The following ENPP1 variants were observed in gnomAD, a reference collection of about 807,000 sequenced individuals.
ENPP1 encodes ectonucleotide pyrophosphatase/phosphodiesterase family member 1.
Under a neutral mutation model 122.8 loss-of-function variants are expected in ENPP1, and 73 were observed. The observed-to-expected ratio is 0.59, with a 90% CI of 0.49 to 0.72. ENPP1 has a LOEUF of 0.72. Ranked by LOEUF, ENPP1 falls within the 30% of genes least tolerant of loss-of-function variation. ENPP1 has a pLI of 0.00. For missense variants in ENPP1, 978 were observed against 1,128.1 expected, an observed-to-expected ratio of 0.87 and a Z score of 1.91; for synonymous variants, 367 against 391.6, an observed-to-expected ratio of 0.94 and a Z score of 0.74.
chr6:131,830,861 A>C (rs1304822968), intron 1 of ENPP1, among the ~76,000 whole-genome samples: 2 of 152,250 alleles, frequency 1.3e-5, no homozygotes, highest in Middle Eastern at 3.4e-3. Context: ...CTGTAATCCC[A>C]GCATTCTGGA....
Position 131,884,985 on chromosome 6 carries a change from A to G in ENPP1, c.2366A>G (p.Asn789Ser). Residue 789 changes from asparagine (N) to serine (S), a missense_variant, in exon 23 of 25, where the codon AAT becomes AGT. This residue lies in a region of ENPP1 where 644 missense variants were observed against 781.5 expected (regional missense o/e 0.82). Transcript: ENST00000647893. ...CTGCGAAAGTATGCTGAAGAAAGAAATGGTGTCAATGTCGTCAGTGGTCCT... is the reference window on the plus strand; with the variant it reads ...CTGCGAAAGTATGCTGAAGAAAGAAGTGGTGTCAATGTCGTCAGTGGTCCT... ...TLLRKYAEER[N>S]GVNVVSGPVF... The G allele has an allele frequency of 6.2e-7, 1 of 1,614,050 alleles. No individual in the cohort carries two copies. The highest frequency in any genetic ancestry group is 8.5e-7 in the Non-Finnish European group (1 of 1,179,910).
chr6:131,826,214 G>A, intron 1 of ENPP1: 2 of 925,952 alleles, frequency 2.2e-6, no homozygotes, highest in South Asian at 2.6e-5. Context: ...AAACATTGCA[G>A]CTTTTTGCAC....
At chr6:131,874,708 A>C (rs943282809) in intron 16 of ENPP1, among the ~76,000 whole-genome samples, 1 of 152,102 alleles carries the variant, frequency 6.6e-6, no homozygotes, top group Non-Finnish European at 1.5e-5. Context: ...AAAGGAAAAA[A>C]AATAATCAGT....
At chr6:131,822,669 T>C (rs1452127810) in intron 1 of ENPP1, among the ~76,000 whole-genome samples, 1 of 152,130 alleles carries the variant, frequency 6.6e-6, no homozygotes, top group Non-Finnish European at 1.5e-5. Context: ...AAGTTTACCA[T>C]TGATAGACAG....
chr6:131,882,292 A>G lies in ENPP1; in HGVS notation c.2101-53A>G, dbSNP rs7768480. The G allele has an allele frequency of 0.11, 165,055 of 1,532,622 alleles. 15,259 individuals carry two copies. Among genetic ancestry groups the G allele is most frequent in the African/African-American group, 0.48 (34,562 of 71,810 alleles). The allele number at this position is 1,532,622 out of a possible 1,614,324, so 94.9% of individuals were successfully genotyped here. The stretch of plus-strand genomic sequence containing the variant: ...TTCACCTTTAAATATTAATAAAGCA[A>G]TTTTCTTCTCTGTGCCTGATATCTG... On this transcript the variant is annotated intron_variant, in intron 20 of 24. Coordinates refer to ENST00000647893, the MANE Select transcript of ENPP1 (RefSeq NM_006208.3).
intron 1 of ENPP1, among the ~76,000 whole-genome samples, chr6:131,817,654 G>T (rs1781430297): frequency 6.6e-6 from 1 of 151,484 alleles, no homozygotes; most frequent in Non-Finnish European, 1.5e-5. Flanking sequence ...ATCACTTGAG[G>T]CCATAATTTA....
In ENPP1 at chr6:131,884,993, A is replaced by G. The variant is rs1478994233; in HGVS notation, c.2374A>G (p.Asn792Asp). The change falls in exon 23 of 25, where the codon AAT becomes GAT. Residue 792 changes from asparagine to aspartate, a missense_variant. Physicochemically the swap from Asn to Asp is conservative, Grantham distance 23. Transcript: ENST00000647893. ...GTATGCTGAAGAAAGAAATGGTGTC[A>G]ATGTCGTCAGTGGTCCTGTGTTTGA... is the stretch of plus-strand genomic sequence containing the variant. ...RKYAEERNGV[N>D]VVSGPVFDFD... 26 of 1,614,050 alleles carry G rather than the reference A, an allele frequency of 1.6e-5. No individual in the cohort carries two copies. Among genetic ancestry groups the G allele is most frequent in the Non-Finnish European group, 2.1e-5 (25 of 1,179,926 alleles).
At chr6:131,852,571 C>G (rs756762469) in intron 5 of ENPP1, among the ~76,000 whole-genome samples, 2 of 152,050 alleles carry the variant, frequency 1.3e-5, no homozygotes, top group Non-Finnish European at 2.9e-5. Flanking sequence ...GATGCCCAAC[C>G]TGTATTTTTA....
chr6:131,808,614 G>A (rs181812346), intron 1 of ENPP1, among the ~76,000 whole-genome samples: 2 of 152,366 alleles, frequency 1.3e-5, no homozygotes, highest in African/African-American at 4.8e-5. Context: ...CGCGAAAGTT[G>A]TTGGTCTTAA....
At chr6:131,812,124 G>A (rs1781363247) in intron 1 of ENPP1, among the ~76,000 whole-genome samples, 1 of 152,144 alleles carries the variant, frequency 6.6e-6, no homozygotes, top group Admixed American at 6.5e-5. Flanking sequence ...TAGCTATTAT[G>A]ATGAGTTTTT....
intron 12 of ENPP1, among the ~76,000 whole-genome samples, 180 bp downstream of exon 12, chr6:131,868,306 C>T (rs888057613): frequency 6.6e-6 from 1 of 152,216 alleles, no homozygotes; most frequent in East Asian, 1.9e-4. Context: ...ACAGAATTCA[C>T]AGAAACCTAA....
At chr6:131,878,864 A>G (rs996854763) in intron 19 of ENPP1, among the ~76,000 whole-genome samples, 4 of 152,212 alleles carry the variant, frequency 2.6e-5, no homozygotes, top group Admixed American at 2.0e-4. Flanking sequence ...GAGGTGTTCA[A>G]AAATTTTTGA....
rs1171934629 is a variant in ENPP1 at position 131,893,141 on chromosome 6, C to CTCACTGATTTTTACATAT, written c.*2632_*2649dup. 1 of 152,040 alleles carries CTCACTGATTTTTACATAT rather than the reference C, an allele frequency of 6.6e-6. No homozygotes were observed. Among genetic ancestry groups the CTCACTGATTTTTACATAT allele is most frequent in the Non-Finnish European group, 1.5e-5 (1 of 68,010 alleles). 9.4% of individuals were successfully genotyped at this position (152,040 alleles called of 1,614,324 possible). A position where few individuals can be genotyped will look rare whatever the true frequency, so the allele number is the denominator to read the frequency against. On this transcript the variant is annotated 3_prime_UTR_variant, in exon 25 of 25. Transcript: ENST00000647893. ...GTCTACTCTGCCTTTGTAGAAGTGT[C>CTCACTGATTTTTACATAT]TCACTGATTTTTACATATTTTTCCA... is the stretch of plus-strand genomic sequence containing the variant.
chr6:131,828,100 G>A (rs1215249798), intron 1 of ENPP1: 16 of 609,664 alleles, frequency 2.6e-5, no homozygotes, highest in Non-Finnish European at 3.5e-5. Context: ...AACAGACAGC[G>A]TTGATGTAGG....
At chr6:131,873,086 G>A (rs199797259) in intron 15 of ENPP1, 36 bp downstream of exon 15, 1 of 1,612,188 alleles carries the variant, frequency 6.2e-7, no homozygotes, top group African/African-American at 1.3e-5. Context: ...AACTTAGTCT[G>A]ATCGGTTAGT....
Position 131,858,651 on chromosome 6 carries a change from AT to A in ENPP1, c.716-10del, listed in dbSNP as rs776559756. On this transcript the variant is annotated splice_polypyrimidine_tract_variant and intron_variant, in intron 6 of 24. Coordinates refer to ENST00000647893, the MANE Select transcript of ENPP1 (RefSeq NM_006208.3). ...TCAGATGTATTTAATAACAATGTTTATTTTTTTCCCTTCTAGAAAAATGTGG... is the reference window on the plus strand; with the variant it reads ...TCAGATGTATTTAATAACAATGTTTATTTTTTCCCTTCTAGAAAAATGTGG... The A allele has an allele frequency of 2.6e-5, 39 of 1,527,830 alleles. 1 individual carries two copies. The South Asian group carries it at 3.3e-4, about 13-fold the overall frequency. 94.6% of individuals were successfully genotyped at this position (1,527,830 alleles called of 1,614,324 possible).
chr6:131,827,031 A>T, intron 1 of ENPP1: 2 of 550,026 alleles, frequency 3.6e-6, no homozygotes, highest in Non-Finnish European at 6.8e-6. Flanking sequence ...TTTGAGGTTG[A>T]CCAGCTGTGA....
At chr6:131,820,432 C>T (rs1360491205) in intron 1 of ENPP1, 1 of 156,866 alleles carries the variant, frequency 6.4e-6, no homozygotes, top group Non-Finnish European at 1.4e-5. Context: ...CTTCCTCCCT[C>T]ACTACTCCAC....
chr6:131,860,571 A>G, intron 8 of ENPP1, 65 bp downstream of exon 8: 1 of 1,282,152 alleles, frequency 7.8e-7, no homozygotes, highest in Non-Finnish European at 1.1e-6. Flanking sequence ...AGAGTAAAAT[A>G]ACCAGATTCT....
Sources: gnomAD v4.1 joint callset for allele counts (sites outside exome capture counted in the v4.1 genomes callset) on GRCh38, gnomAD v4.1.1 for gene constraint, gnomAD v4.1.1 regional missense constraint, MANE v1.5 for transcripts, NCBI Gene and HGNC (gene_info 2026-07-23, HGNC 2026-07-21) for gene names.